The following PSD3 variants were observed in gnomAD, a reference collection of about 807,000 sequenced individuals.
The protein encoded by PSD3 is PH and SEC7 domain-containing protein 3.
Under a neutral mutation model 105.5 loss-of-function variants are expected in PSD3, and 49 were observed. The observed-to-expected ratio is 0.46, with a 90% CI of 0.37 to 0.59. PSD3 has a LOEUF of 0.59. Ranked by LOEUF, PSD3 falls within the 20% of genes least tolerant of loss-of-function variation. The pLI, the probability that PSD3 is intolerant of heterozygous loss-of-function variation, is 0.00. For synonymous variants in PSD3, 557 were observed against 457.8 expected (o/e 1.22, Z -2.77); for missense variants, 1,561 against 1,263.8 (o/e 1.24, Z -3.57).
At chr8:18,553,846 C>T (rs947012101) in intron 15 of PSD3, among the ~76,000 whole-genome samples, 7 of 152,138 alleles carry the variant, frequency 4.6e-5, no homozygotes, top group South Asian at 2.1e-4. Flanking sequence ...CAGCTATCCT[C>T]GCGCCTTTCT....
Position 18,803,733 on chromosome 8 carries a change from G to A in PSD3, c.1910+789C>T, listed in dbSNP as rs117041345. On this transcript the variant is annotated intron_variant, in intron 6 of 15. Coordinates refer to ENST00000327040, the MANE Select transcript of PSD3 (RefSeq NM_015310.4). Reference sequence around the variant, plus strand: ...TTACATTACAGTAGTCAAAATCATCGAGAAGAGAAGTAGAATAGTGTTTGC... The same window carrying A: ...TTACATTACAGTAGTCAAAATCATCAAGAAGAGAAGTAGAATAGTGTTTGC... 9.6e-3 allele frequency among the ~76,000 whole-genome samples: 1,457 copies of A among 151,892 alleles called. 10 individuals are homozygous for A. The highest frequency in any genetic ancestry group is 0.015 in the Non-Finnish European group (993 of 67,982).
At chr8:18,769,453 T>A (rs1222846732) in intron 8 of PSD3, among the ~76,000 whole-genome samples, 1 of 152,214 alleles carries the variant, frequency 6.6e-6, no homozygotes. Context: ...GATGATAGCA[T>A]CAACTACTAT....
intron 8 of PSD3, among the ~76,000 whole-genome samples, chr8:18,792,639 C>T (rs950985362): frequency 1.3e-5 from 2 of 151,940 alleles, no homozygotes; most frequent in Non-Finnish European, 2.9e-5. Flanking sequence ...GGGTGATGGG[C>T]CAGTTAGAAT....
chr8:18,886,754 A>G (rs1338197263), intron 2 of PSD3, among the ~76,000 whole-genome samples: 12 of 152,134 alleles, frequency 7.9e-5, no homozygotes, highest in Admixed American at 7.9e-4. Flanking sequence ...TTAGTTTCAG[A>G]TTTCCTGGCA....
intron 1 of PSD3, among the ~76,000 whole-genome samples, chr8:19,049,769 A>G (rs940610899): frequency 5.3e-5 from 8 of 150,528 alleles, no homozygotes; most frequent in African/African-American, 1.9e-4. Flanking sequence ...GTAAAAACAT[A>G]GGTTATTTTC....
chr8:18,655,810 G>T, intron 9 of PSD3, 125 bp from the exon 10 acceptor site: 3 of 852,912 alleles, frequency 3.5e-6, no homozygotes, highest in Non-Finnish European at 5.6e-6. Context: ...CAGTCACCTT[G>T]CTTTTAGAAA....
intron 1 of PSD3, among the ~76,000 whole-genome samples, chr8:18,939,382 A>G (rs1297765077): frequency 1.3e-5 from 2 of 152,234 alleles, no homozygotes; most frequent in South Asian, 2.1e-4. Flanking sequence ...CTTGTCATCA[A>G]TAGAAATTCA....
intron 4 of PSD3, chr8:18,854,261 C>A (rs1270115894): frequency 6.5e-6 from 1 of 152,904 alleles, no homozygotes; most frequent in Non-Finnish European, 1.5e-5. Context: ...TCCGCAGTGA[C>A]ATTCTCCCAG....
At chr8:18,572,390 C>T (rs1802197818) in intron 14 of PSD3, 138 bp downstream of exon 14, 15 of 1,059,174 alleles carry the variant, frequency 1.4e-5, no homozygotes, top group Non-Finnish European at 2.1e-5. Context: ...ATATCTGCCT[C>T]ATTTATATGA....
At chr8:18,865,461 A>T (rs1368089275) in intron 4 of PSD3, among the ~76,000 whole-genome samples, 1 of 151,504 alleles carries the variant, frequency 6.6e-6, no homozygotes, top group African/African-American at 2.4e-5. Context: ...TTTCCTTAAA[A>T]TTTCTTAGGA....
chr8:18,692,363 T>C (rs1239029604), intron 9 of PSD3, among the ~76,000 whole-genome samples: 1 of 152,186 alleles, frequency 6.6e-6, no homozygotes, highest in African/African-American at 2.4e-5. Context: ...ACTGCAGCTC[T>C]GGAAGTCTCT....
At chr8:18,760,443 GAATCTGTGAGATC>G (rs1423171495) in intron 9 of PSD3, among the ~76,000 whole-genome samples, 5 of 135,166 alleles carry the variant, frequency 3.7e-5, no homozygotes, top group African/African-American at 1.1e-4. Flanking sequence ...TTAACTCCAT[GAATCTGTGAGATC>G]AACTTTTTTA....
At chr8:18,584,431 G>A (rs1403569417) in intron 12 of PSD3, among the ~76,000 whole-genome samples, 1 of 152,194 alleles carries the variant, frequency 6.6e-6, no homozygotes, top group Non-Finnish European at 1.5e-5. Flanking sequence ...AGACACTAAT[G>A]GGAAAAATAT....
In PSD3 at chr8:18,598,490, T is replaced by A. The variant is rs190244505; in HGVS notation, c.2481+1874A>T. On this transcript the variant is annotated intron_variant, in intron 12 of 15. Transcript: ENST00000327040. ...TTTATCCTTGGGATGTAAAGGTGGT[T>A]CAACATATGAAAATCAGTCAAAGTG... Among the ~76,000 whole-genome samples, 466 of 151,984 alleles carry A rather than the reference T, an allele frequency of 3.1e-3. 4 individuals are homozygous for A. The highest frequency in any genetic ancestry group is 0.011 in the African/African-American group (436 of 41,358).
intron 4 of PSD3, among the ~76,000 whole-genome samples, chr8:18,861,119 G>A (rs1315433434): frequency 6.6e-6 from 1 of 152,124 alleles, no homozygotes; most frequent in Non-Finnish European, 1.5e-5. Flanking sequence ...AACAGACAGG[G>A]AGGGCACAAG....
chr8:18,643,695 C>T (rs553226358), intron 10 of PSD3, among the ~76,000 whole-genome samples: 85 of 152,216 alleles, frequency 5.6e-4, no homozygotes, highest in Admixed American at 2.2e-3. Context: ...GTCCCAAATC[C>T]TGAAAACACT....
intron 11 of PSD3, among the ~76,000 whole-genome samples, chr8:18,626,034 G>A (rs1412708630): frequency 8.6e-5 from 13 of 152,014 alleles, no homozygotes; most frequent in East Asian, 1.9e-4. Flanking sequence ...CAGGAGATGC[G>A]TTTTGTTTTC....
chr8:18,610,876 A>G (rs1464653586), intron 11 of PSD3, among the ~76,000 whole-genome samples: 1 of 152,140 alleles, frequency 6.6e-6, no homozygotes, highest in Non-Finnish European at 1.5e-5. Context: ...TTTTATTCAC[A>G]CCATGATGCC....
At chr8:18,625,428 T>A (rs117822867) in intron 11 of PSD3, among the ~76,000 whole-genome samples, 308 of 152,260 alleles carry the variant, frequency 2.0e-3, no homozygotes, top group Non-Finnish European at 3.7e-3. Context: ...AAGTTTGGTA[T>A]AAGGCTACAG....
Sources: allele counts gnomAD v4.1 joint callset (sites outside exome capture counted in the v4.1 genomes callset), GRCh38; gene constraint gnomAD v4.1.1; transcripts MANE v1.5; gene names NCBI Gene and HGNC (gene_info 2026-07-23, HGNC 2026-07-21).